Variants in TSPAN5 observed in about 807,000 individuals in gnomAD.
TSPAN5 encodes the protein tetraspanin-5.
Under a neutral mutation model 37.1 loss-of-function variants are expected in TSPAN5, and 10 were observed. That is an observed-to-expected ratio of 0.27 (90% CI 0.17 to 0.46). The LOEUF (loss-of-function observed/expected upper bound fraction) is 0.46. Ranked by LOEUF, TSPAN5 falls within the 20% of genes least tolerant of loss-of-function variation. The pLI is 1.00. For missense variants in TSPAN5, 195 were observed against 326.6 expected, an observed-to-expected ratio of 0.60 and a Z score of 3.11; for synonymous variants, 110 against 118.9, an observed-to-expected ratio of 0.93 and a Z score of 0.48.
chr4:98,492,222 C>A (rs370241892), intron 2 of TSPAN5, among the ~76,000 whole-genome samples: 2 of 152,286 alleles, frequency 1.3e-5, no homozygotes, highest in East Asian at 3.9e-4. Context: ...TCTCTAGTGG[C>A]TGAGACTCTA....
intron 1 of TSPAN5, among the ~76,000 whole-genome samples, chr4:98,636,238 C>A (rs1053197381): frequency 6.6e-6 from 1 of 152,190 alleles, no homozygotes; most frequent in Non-Finnish European, 1.5e-5. Context: ...GGACTGACAC[C>A]TGCATACATA....
At chr4:98,602,058 T>C (rs1755895575) in intron 1 of TSPAN5, among the ~76,000 whole-genome samples, 1 of 152,066 alleles carries the variant, frequency 6.6e-6, no homozygotes, top group Non-Finnish European at 1.5e-5. Context: ...ACAATTACAA[T>C]AGTAACATCA....
chr4:98,542,426 T>A (rs1405512485), intron 1 of TSPAN5, among the ~76,000 whole-genome samples: 1 of 152,158 alleles, frequency 6.6e-6, no homozygotes, highest in Non-Finnish European at 1.5e-5. Flanking sequence ...AAAGACTCCA[T>A]GAAGGCAGGC....
chr4:98,635,061 G>A lies in TSPAN5; in HGVS notation c.81+23085C>T, dbSNP rs537234794. On this transcript the variant is annotated intron_variant, in intron 1 of 7. Coordinates refer to ENST00000305798, the MANE Select transcript of TSPAN5 (RefSeq NM_005723.4). The stretch of plus-strand genomic sequence containing the variant: ...CATTTATAACAGGCACTTTCCATTC[G>A]CCCCAGTCTCCACCATCAGCTGCCT... 1.3e-4 allele frequency among the ~76,000 whole-genome samples: 20 copies of A among 152,240 alleles called. No homozygotes were observed. In the South Asian group the frequency reaches 4.2e-3, roughly 32 times the overall value.
chr4:98,646,243 G>A (rs537913243), intron 1 of TSPAN5, among the ~76,000 whole-genome samples: 1 of 152,256 alleles, frequency 6.6e-6, no homozygotes, highest in East Asian at 1.9e-4. Context: ...CAGCTGGAAG[G>A]ACATATAAGG....
At chr4:98,626,155 A>G (rs1043076640) in intron 1 of TSPAN5, among the ~76,000 whole-genome samples, 1 of 148,226 alleles carries the variant, frequency 6.7e-6, no homozygotes, top group South Asian at 2.2e-4. Flanking sequence ...AGAAATCTGC[A>G]TCACTCACGA....
At chr4:98,651,282 A>T (rs1344329360) in intron 1 of TSPAN5, among the ~76,000 whole-genome samples, 2 of 152,232 alleles carry the variant, frequency 1.3e-5, no homozygotes, top group Non-Finnish European at 2.9e-5. Flanking sequence ...TCTGCAAAAT[A>T]ACTGGCTTAT....
intron 1 of TSPAN5, among the ~76,000 whole-genome samples, chr4:98,537,458 C>G (rs1411271438): frequency 6.6e-6 from 1 of 152,150 alleles, no homozygotes; most frequent in Non-Finnish European, 1.5e-5. Context: ...AGCCAGAAGC[C>G]ACTTTTCTAT....
intron 1 of TSPAN5, among the ~76,000 whole-genome samples, chr4:98,636,386 G>A (rs1265867979): frequency 6.6e-6 from 1 of 152,184 alleles, no homozygotes; most frequent in African/African-American, 2.4e-5. Flanking sequence ...TATGAGAGGT[G>A]ACAAGTAGGC....
intron 1 of TSPAN5, among the ~76,000 whole-genome samples, chr4:98,554,502 A>G (rs1321342132): frequency 1.3e-5 from 2 of 152,244 alleles, no homozygotes; most frequent in African/African-American, 4.8e-5. Flanking sequence ...ATTGCTGCAC[A>G]TCCATAAATG....
rs1374364028 is a variant in TSPAN5, at chr4:98,481,954, GGTCATC to G, written c.450+45_450+50del. On this transcript the variant is annotated intron_variant, in intron 4 of 7. Coordinates refer to ENST00000305798, the MANE Select transcript of TSPAN5 (RefSeq NM_005723.4). ...AACCAGGAGGGATGAAATTCACTGG[GGTCATC>G]GTTCAGAGAACTTTCAACTTGAAAA... 5 of 1,581,170 alleles carry G rather than the reference GGTCATC, an allele frequency of 3.2e-6. No individual in the cohort carries two copies. In the Admixed American group the frequency reaches 6.8e-5, roughly 22 times the overall value.
In TSPAN5 at chr4:98,496,056, C is replaced by G. The variant is rs72898108; in HGVS notation, c.133-9172G>C. ...TCCATAAACCAGATCCTACTGACAA[C>G]AGTTTTCCTAGAGTAAGAGATAGAG... is the stretch of plus-strand genomic sequence containing the variant. On this transcript the variant is annotated intron_variant, in intron 2 of 7. Transcript: ENST00000305798. 4.6e-3 allele frequency among the ~76,000 whole-genome samples: 701 copies of G among 152,248 alleles called. 7 individuals carry two copies. The highest frequency in any genetic ancestry group is 0.016 in the African/African-American group (673 of 41,532).
intron 1 of TSPAN5, among the ~76,000 whole-genome samples, chr4:98,513,307 T>C (rs1361369216): frequency 6.6e-6 from 1 of 152,040 alleles, no homozygotes. Flanking sequence ...CAGGAAGCCA[T>C]TTAAAGGCCA....
intron 1 of TSPAN5, among the ~76,000 whole-genome samples, chr4:98,625,736 C>T (rs1756584462): frequency 1.3e-5 from 2 of 152,078 alleles, no homozygotes; most frequent in Admixed American, 1.3e-4. Context: ...ATGAATGAAC[C>T]CTATTAGTAG....
At chr4:98,533,952 A>AAAAACAAAAAC (rs923554198) in intron 1 of TSPAN5, among the ~76,000 whole-genome samples, 2 of 144,730 alleles carry the variant, frequency 1.4e-5, no homozygotes, top group Non-Finnish European at 3.0e-5. Flanking sequence ...AAAAAAAAAA[A>AAAAACAAAAAC]AAAAAAAAAA....
chr4:98,571,481 T>G, intron 1 of TSPAN5, among the ~76,000 whole-genome samples: 1 of 151,136 alleles, frequency 6.6e-6, no homozygotes, highest in Non-Finnish European at 1.5e-5. Flanking sequence ...ATTTACAATG[T>G]TAGTATAATG....
At chr4:98,584,249 T>G (rs1434308072) in intron 1 of TSPAN5, among the ~76,000 whole-genome samples, 1 of 152,198 alleles carries the variant, frequency 6.6e-6, no homozygotes, top group Admixed American at 6.5e-5. Flanking sequence ...CCTGAAATAC[T>G]CTTACTAAAA....
chr4:98,533,174 G>A (rs1379905942), intron 1 of TSPAN5, among the ~76,000 whole-genome samples: 2 of 152,134 alleles, frequency 1.3e-5, no homozygotes, highest in Non-Finnish European at 2.9e-5. Context: ...TCTCTGCCAG[G>A]TTTTGGTAAC....
At position 98,608,905 on chromosome 4, in the gene TSPAN5, C is replaced by T. The variant is rs143248389; in HGVS notation, c.81+49241G>A. Among the ~76,000 whole-genome samples, 902 of 152,256 alleles carry T rather than the reference C, an allele frequency of 5.9e-3. 6 individuals are homozygous for T. Among genetic ancestry groups the T allele is most frequent in the Non-Finnish European group, 9.7e-3 (661 of 68,018 alleles). The stretch of plus-strand genomic sequence containing the variant: ...CCACACCCTGTAAACTCTTTTCTGT[C>T]GCTCCCACAGGAAACAAAACAAAAC... On this transcript the variant is annotated intron_variant, in intron 1 of 7. Transcript: ENST00000305798.
Sources: allele counts gnomAD v4.1 joint callset (sites outside exome capture counted in the v4.1 genomes callset), GRCh38; gene constraint gnomAD v4.1.1; transcripts MANE v1.5; gene names NCBI Gene and HGNC (gene_info 2026-07-23, HGNC 2026-07-21).